Variants in GULP1 observed in about 807,000 individuals in gnomAD.
The protein encoded by GULP1 is GULP PTB domain containing engulfment adaptor 1.
A neutral mutation model predicts 40.9 loss-of-function variants in GULP1; 19 were observed. That is an observed-to-expected ratio of 0.46 (90% CI 0.32 to 0.68). The LOEUF (loss-of-function observed/expected upper bound fraction) is 0.68. Ranked by LOEUF, GULP1 falls within the 30% of genes least tolerant of loss-of-function variation. The pLI is 0.03. For missense variants in GULP1, 312 were observed against 362.2 expected, an observed-to-expected ratio of 0.86 and a Z score of 1.12; for synonymous variants, 119 against 117.6, an observed-to-expected ratio of 1.01 and a Z score of -0.08.
intron 5 of GULP1, among the ~76,000 whole-genome samples, chr2:188,528,622 A>G (rs532051688): frequency 3.2e-4 from 48 of 152,254 alleles, no homozygotes; most frequent in Non-Finnish European, 6.3e-4. Context: ...CAGTTTGGAA[A>G]TGGTAATCTG....
At chr2:188,433,710 C>T (rs1182889669) in intron 2 of GULP1, among the ~76,000 whole-genome samples, 1 of 152,082 alleles carries the variant, frequency 6.6e-6, no homozygotes, top group Non-Finnish European at 1.5e-5. Flanking sequence ...CCAATTAATG[C>T]TGATGAAAGA....
At chr2:188,582,244 A>G in intron 9 of GULP1, 2 of 394,460 alleles carry the variant, frequency 5.1e-6, no homozygotes, top group Non-Finnish European at 1.0e-5. Context: ...TATCATCTTA[A>G]CAAAACACCA....
At chr2:188,448,285 A>G (rs934138490) in intron 2 of GULP1, among the ~76,000 whole-genome samples, 3 of 152,356 alleles carry the variant, frequency 2.0e-5, no homozygotes, top group Non-Finnish European at 2.9e-5. Context: ...GTTATAATCA[A>G]TCAGGATCTG....
intron 9 of GULP1, among the ~76,000 whole-genome samples, chr2:188,580,955 G>A (rs1273530290): frequency 2.6e-5 from 4 of 152,186 alleles, no homozygotes; most frequent in South Asian, 2.1e-4. Flanking sequence ...TGGCCCGAGC[G>A]TAGGCAGTTA....
intron 2 of GULP1, among the ~76,000 whole-genome samples, chr2:188,410,405 C>T: frequency 6.6e-6 from 1 of 152,074 alleles, no homozygotes; most frequent in Non-Finnish European, 1.5e-5. Flanking sequence ...AGTGAAGAGA[C>T]AACCTATGGA....
At chr2:188,475,175 G>A (rs2060909049) in intron 2 of GULP1, among the ~76,000 whole-genome samples, 1 of 152,090 alleles carries the variant, frequency 6.6e-6, no homozygotes. Flanking sequence ...AAAGTGTAGA[G>A]TGCACATTGC....
intron 2 of GULP1, among the ~76,000 whole-genome samples, chr2:188,412,601 A>G (rs1035826449): frequency 2.0e-5 from 3 of 152,158 alleles, no homozygotes; most frequent in Admixed American, 1.3e-4. Flanking sequence ...CAGCCAAACC[A>G]TATCACAAAC....
At chr2:188,509,865 G>A (rs1485639917) in intron 4 of GULP1, among the ~76,000 whole-genome samples, 1 of 152,084 alleles carries the variant, frequency 6.6e-6, no homozygotes, top group African/African-American at 2.4e-5. Context: ...CATTGAAGAT[G>A]TGTGTGTAGC....
intron 5 of GULP1, among the ~76,000 whole-genome samples, chr2:188,524,848 A>G (rs1459470258): frequency 6.6e-6 from 1 of 151,798 alleles, no homozygotes; most frequent in African/African-American, 2.4e-5. Context: ...AAAAAAATCT[A>G]TATAATTCAG....
At chr2:188,463,985 A>T (rs2059919705) in intron 2 of GULP1, among the ~76,000 whole-genome samples, 1 of 152,118 alleles carries the variant, frequency 6.6e-6, no homozygotes, top group Admixed American at 6.6e-5. Flanking sequence ...CAAAGGTCAC[A>T]TATCTCTGTT....
At chr2:188,497,251 ATTATG>A (rs1363887955) in intron 4 of GULP1, among the ~76,000 whole-genome samples, 2 of 152,016 alleles carry the variant, frequency 1.3e-5, no homozygotes, top group African/African-American at 2.4e-5. Context: ...ACAAATGAAT[ATTATG>A]TTATTTATTT....
intron 1 of GULP1, among the ~76,000 whole-genome samples, chr2:188,335,541 C>T (rs1232350867): frequency 2.0e-5 from 3 of 152,058 alleles, no homozygotes; most frequent in Admixed American, 6.6e-5. Flanking sequence ...TTTGGGTCCC[C>T]GTAGCATCCT....
chr2:188,358,395 TAGA>T (rs1411783515), intron 1 of GULP1, among the ~76,000 whole-genome samples: 1 of 152,056 alleles, frequency 6.6e-6, no homozygotes. Flanking sequence ...AACAGTTAGA[TAGA>T]AGGAAAAAGT....
At chr2:188,588,026 A>G (rs1449100671) in intron 11 of GULP1, 77 bp downstream of exon 11, 1 of 818,152 alleles carries the variant, frequency 1.2e-6, no homozygotes, top group South Asian at 1.4e-5. Flanking sequence ...TATGTACCAA[A>G]ACTATGGTTT....
rs1398620162 is a variant in GULP1 at position 188,444,821 on chromosome 2, A to G, written c.-44-32838A>G. On this transcript the variant is annotated intron_variant, in intron 2 of 11. Transcript: ENST00000409830. ...CTCCATGTTGTCTGTGAAGCTTTAG[A>G]CAGAGTTTACTAAAAATATCCTATA... Among the ~76,000 whole-genome samples the G allele has an allele frequency of 2.0e-5, 3 of 152,310 alleles. No individual in the cohort carries two copies. The East Asian group carries it at 5.8e-4, about 29-fold the overall frequency.
At chr2:188,352,981 T>G (rs1261867465) in intron 1 of GULP1, among the ~76,000 whole-genome samples, 1 of 152,186 alleles carries the variant, frequency 6.6e-6, no homozygotes, top group Non-Finnish European at 1.5e-5. Context: ...TCATTTTCCC[T>G]ATTGAAGTTG....
intron 2 of GULP1, among the ~76,000 whole-genome samples, chr2:188,392,393 G>A (rs1169501331): frequency 6.6e-6 from 1 of 151,958 alleles, no homozygotes; most frequent in East Asian, 1.9e-4. Flanking sequence ...GTGCATAGAG[G>A]TGTTCATAGT....
chr2:188,444,161 C>A, intron 2 of GULP1, among the ~76,000 whole-genome samples: 1 of 152,038 alleles, frequency 6.6e-6, no homozygotes. Context: ...TGCTGTTCTC[C>A]AAGGATACAA....
chr2:188,472,443 G>A (rs1190481872), intron 2 of GULP1, among the ~76,000 whole-genome samples: 2 of 151,780 alleles, frequency 1.3e-5, no homozygotes, highest in African/African-American at 2.4e-5. Flanking sequence ...TTCTAGATTC[G>A]GCAGGCACGC....
Sources: gnomAD v4.1 joint callset for allele counts (sites outside exome capture counted in the v4.1 genomes callset) on GRCh38, gnomAD v4.1.1 for gene constraint, MANE v1.5 for transcripts, NCBI Gene and HGNC (gene_info 2026-07-23, HGNC 2026-07-21) for gene names.